The following ALPK2 variants were observed in gnomAD, a reference collection of about 807,000 sequenced individuals.
ALPK2 encodes the protein alpha kinase 2.
A neutral mutation model predicts 163.1 loss-of-function variants in ALPK2; 127 were observed. The ratio of observed to expected loss-of-function variants is 0.78; its 90% CI spans 0.67 to 0.90. The LOEUF (loss-of-function observed/expected upper bound fraction) is 0.90, where lower values mean the gene tolerates loss of function less well. ALPK2 is among the 40% of genes least tolerant of loss of function. The pLI, the probability that ALPK2 is intolerant of heterozygous loss-of-function variation, is 0.00. For missense variants in ALPK2, 2,360 were observed against 2,589.6 expected, an observed-to-expected ratio of 0.91 and a Z score of 1.92; for synonymous variants, 953 against 959.1, an observed-to-expected ratio of 0.99 and a Z score of 0.12.
At chr18:58,491,450 TA>T (rs2051374440) in intron 12 of ALPK2, among the ~76,000 whole-genome samples, 1 of 152,242 alleles carries the variant, frequency 6.6e-6, no homozygotes, top group South Asian at 2.1e-4. Context: ...ATCACAATTG[TA>T]AAACCTAAGC....
At chr18:58,517,736 C>T (rs773309315) in intron 8 of ALPK2, among the ~76,000 whole-genome samples, 1 of 151,364 alleles carries the variant, frequency 6.6e-6, no homozygotes, top group Non-Finnish European at 1.5e-5. Context: ...TTTTTGCCTC[C>T]CAAGAACCAA....
At chr18:58,523,909 G>A (rs762547401) in intron 7 of ALPK2, 26 bp downstream of exon 7, 6 of 1,613,898 alleles carry the variant, frequency 3.7e-6, no homozygotes, top group African/African-American at 1.3e-5. Flanking sequence ...GGGGCCAGTG[G>A]TTTTTCATTG....
At chr18:58,509,951 T>A (rs1296652188) in intron 10 of ALPK2, among the ~76,000 whole-genome samples, 1 of 152,224 alleles carries the variant, frequency 6.6e-6, no homozygotes, top group Non-Finnish European at 1.5e-5. Context: ...AGACATGAAG[T>A]CTTTGCCCAT....
At chr18:58,503,333 A>G (rs781753624) in intron 11 of ALPK2, among the ~76,000 whole-genome samples, 7 of 152,244 alleles carry the variant, frequency 4.6e-5, no homozygotes, top group Non-Finnish European at 1.0e-4. Context: ...TATTGAGGAT[A>G]GAACAGTAAA....
In ALPK2 at chr18:58,595,517, G is replaced by T. The variant is rs1448999884; in HGVS notation, c.227+11805C>A. Among the ~76,000 whole-genome samples, 3 of 152,188 alleles carry T rather than the reference G, an allele frequency of 2.0e-5. No individual in the cohort carries two copies. In the East Asian group the frequency reaches 5.8e-4, roughly 29 times the overall value. On this transcript the variant is annotated intron_variant, in intron 3 of 12. Coordinates refer to ENST00000361673, the MANE Select transcript of ALPK2 (RefSeq NM_052947.4). ...AGTGATTAACATAATGGACTCCGGG[G>T]CCCTGGGAAACAGAATTTTGGGGTT...
intron 4 of ALPK2, among the ~76,000 whole-genome samples, chr18:58,558,169 A>G (rs1465013946): frequency 3.3e-5 from 5 of 152,210 alleles, no homozygotes; most frequent in Non-Finnish European, 7.3e-5. Flanking sequence ...CAATTTGGAT[A>G]TGTGAATCTA....
Position 58,536,020 on chromosome 18 carries a change from AAAG to A in ALPK2, c.4164_4166del (p.Phe1389del), listed in dbSNP as rs141586980. 0.12 allele frequency: 199,578 copies of A among 1,614,072 alleles called. 13,313 individuals are homozygous for A. The highest frequency in any genetic ancestry group is 0.15 in the Middle Eastern group (913 of 6,060). On this transcript the variant is annotated inframe_deletion, in exon 5 of 13. Transcript: ENST00000361673. Reference sequence around the variant, plus strand: ...TTTTAGGGCAGGTCAGAAACTTTTTAAAGAAGGCAGTGTGATCCATCTTGAGTT... The same window carrying A: ...TTTTAGGGCAGGTCAGAAACTTTTTAAAGGCAGTGTGATCCATCTTGAGTT...
At chr18:58,545,592 A>G (rs2051713441) in intron 4 of ALPK2, among the ~76,000 whole-genome samples, 1 of 152,240 alleles carries the variant, frequency 6.6e-6, no homozygotes, top group Non-Finnish European at 1.5e-5. Flanking sequence ...TCTAAAGCCA[A>G]TCAGAAGCCC....
At position 58,537,834 on chromosome 18, in the gene ALPK2, C is replaced by A. The variant is rs776998161; in HGVS notation, c.2353G>T (p.Ala785Ser). Residue 785 changes from alanine (A) to serine (S), a missense_variant, in exon 5 of 13, where the codon GCC becomes TCC. Coordinates refer to ENST00000361673, the MANE Select transcript of ALPK2 (RefSeq NM_052947.4). The part of the protein sequence containing the change: ...SVASPEPTDT[A>S]LTLENVCDEP... The stretch of plus-strand genomic sequence containing the variant: ...TCACACACATTTTCCAGGGTGAGGG[C>A]AGTATCTGTGGGTTCAGGGGAAGCA... 2 of 1,614,128 alleles carry A rather than the reference C, an allele frequency of 1.2e-6. No individual in the cohort carries two copies. Among genetic ancestry groups the A allele is most frequent in the East Asian group, 2.2e-5 (1 of 44,872 alleles).
In ALPK2 at chr18:58,537,776, A is replaced by C; in HGVS notation, c.2411T>G (p.Met804Arg). The change falls in exon 5 of 13, where the codon ATG becomes AGG. Residue 804 changes from methionine (M) to arginine (R), a missense_variant. Coordinates refer to ENST00000361673, the MANE Select transcript of ALPK2 (RefSeq NM_052947.4). ...EPRDREAVCA[M>R]ECFEAGDQGT... is the part of the protein sequence containing the mutation. ...TTGGTCACCAGCCTCAAAACACTCC[A>C]TTGCACACACTGCTTCTCTGTCCCT... is the stretch of plus-strand genomic sequence containing the variant. The C allele has an allele frequency of 6.2e-7, 1 of 1,614,142 alleles. No individual in the cohort carries two copies. The highest frequency in any genetic ancestry group is 8.5e-7 in the Non-Finnish European group (1 of 1,179,988).
At position 58,481,934 on chromosome 18, in the gene ALPK2, T is replaced by G; in HGVS notation, c.6402A>C (p.Gln2134His). ...YCKMLGLKSL[Q>H]NNNQKQKQPS... ...GCTGCTTCTGTTTCTGGTTGTTGTT[T>G]TGAAGGGATTTCAGTCCCAGCATTT... Residue 2134 changes from glutamine to histidine, a missense_variant, in exon 13 of 13, where the codon CAA (glutamine) becomes CAC (histidine). Gln to His is a conservative substitution (Grantham distance 24). Transcript: ENST00000361673. 6.2e-7 allele frequency: 1 copy of G among 1,614,222 alleles called. No homozygotes were observed. The highest frequency in any genetic ancestry group is 8.5e-7 in the Non-Finnish European group (1 of 1,180,032).
intron 4 of ALPK2, among the ~76,000 whole-genome samples, chr18:58,550,887 C>A (rs1481286334): frequency 1.3e-5 from 2 of 149,490 alleles, no homozygotes; most frequent in Admixed American, 1.3e-4. Context: ...TCACATACAA[C>A]CCCATCCCCA....
At chr18:58,500,751 C>A (rs1008662668) in intron 11 of ALPK2, among the ~76,000 whole-genome samples, 1 of 148,932 alleles carries the variant, frequency 6.7e-6, no homozygotes, top group Non-Finnish European at 1.5e-5. Flanking sequence ...TGGTGAAACC[C>A]CGTCTCTACT....
intron 12 of ALPK2, among the ~76,000 whole-genome samples, chr18:58,486,353 A>G (rs2051338907): frequency 6.6e-6 from 1 of 152,134 alleles, no homozygotes; most frequent in African/African-American, 2.4e-5. Context: ...TCTCCGCACC[A>G]TGAGAGGACA....
chr18:58,505,704 G>A (rs1486761140), intron 10 of ALPK2, among the ~76,000 whole-genome samples: 5 of 152,076 alleles, frequency 3.3e-5, no homozygotes, highest in Non-Finnish European at 7.4e-5. Flanking sequence ...CTGTAGACTC[G>A]CTGTCTCCAG....
chr18:58,494,785 G>A (rs1368223671), intron 12 of ALPK2, among the ~76,000 whole-genome samples: 5 of 152,238 alleles, frequency 3.3e-5, no homozygotes, highest in Admixed American at 6.5e-5. Context: ...TGCAGTCTGC[G>A]ATGCTCGCCT....
chr18:58,585,992 C>T (rs954202156), intron 3 of ALPK2, among the ~76,000 whole-genome samples: 3 of 152,168 alleles, frequency 2.0e-5, no homozygotes, highest in Admixed American at 1.3e-4. Flanking sequence ...CCCTATATTG[C>T]ATTTTAAGTG....
At chr18:58,543,738 G>A (rs1307761406) in intron 4 of ALPK2, among the ~76,000 whole-genome samples, 5 of 152,226 alleles carry the variant, frequency 3.3e-5, no homozygotes, top group East Asian at 1.9e-4. Context: ...TCAGAGCTGA[G>A]AGGAATGAAT....
Position 58,575,439 on chromosome 18 carries a change from ACC to A in ALPK2, c.1962+3373_1962+3374del, listed in dbSNP as rs578050922. On this transcript the variant is annotated intron_variant, in intron 4 of 12. Transcript: ENST00000361673. Reference sequence around the variant, plus strand: ...TTCCTGATCAGGAAGATTCTTAATTACCAGAGCCCAAGAACACATTTCCTTAC... The same window carrying A: ...TTCCTGATCAGGAAGATTCTTAATTAAGAGCCCAAGAACACATTTCCTTAC... Among the ~76,000 whole-genome samples the A allele has an allele frequency of 3.7e-3, 557 of 152,290 alleles. 4 individuals carry two copies. The Middle Eastern group carries it at 0.044, about 12-fold the overall frequency.
Sources: allele counts gnomAD v4.1 joint callset (sites outside exome capture counted in the v4.1 genomes callset), GRCh38; gene constraint gnomAD v4.1.1; transcripts MANE v1.5; gene names NCBI Gene and HGNC (gene_info 2026-07-23, HGNC 2026-07-21).